Variants in MGAT4A observed in about 807,000 individuals in gnomAD.
MGAT4A encodes alpha-1,3-mannosyl-glycoprotein 4-beta-N-acetylglucosaminyltransferase A, also known as N-acetylglucosaminyltransferase IVa.
Under a neutral mutation model 74.1 loss-of-function variants are expected in MGAT4A, and 33 were observed. That is an observed-to-expected ratio of 0.45 (90% CI 0.34 to 0.60). The LOEUF is 0.60. Ranked by LOEUF, MGAT4A falls within the 20% of genes least tolerant of loss-of-function variation. The pLI, the probability that MGAT4A is intolerant of heterozygous loss-of-function variation, is 0.02. For missense variants in MGAT4A, 479 were observed against 628.3 expected (o/e 0.76, Z 2.54); for synonymous variants, 198 against 210.4 (o/e 0.94, Z 0.51).
chr2:98,632,893 G>A (rs1455924726), intron 14 of MGAT4A, among the ~76,000 whole-genome samples: 1 of 152,204 alleles, frequency 6.6e-6, no homozygotes, highest in Admixed American at 6.5e-5. Flanking sequence ...CTAAGTAGCT[G>A]GAACTACAGG....
intron 2 of MGAT4A, among the ~76,000 whole-genome samples, chr2:98,716,854 T>C (rs1702599789): frequency 6.6e-6 from 1 of 152,228 alleles, no homozygotes; most frequent in African/African-American, 2.4e-5. Context: ...TAATACAATG[T>C]AAATGCTAGA....
rs561044825 is a variant in MGAT4A, at chr2:98,729,392, C to T, written c.-236+1656G>A. Among the ~76,000 whole-genome samples the T allele has an allele frequency of 3.9e-5, 6 of 152,356 alleles. No homozygotes were observed. In the South Asian group the frequency reaches 1.2e-3, roughly 32 times the overall value. On this transcript the variant is annotated intron_variant, in intron 1 of 15. Coordinates refer to ENST00000393487, the MANE Select transcript of MGAT4A (RefSeq NM_012214.3). ...AAGAGTAAAACCAAGGATCTACTCA[C>T]TCTTCAATTATGAGACATAATTCAC...
At chr2:98,657,940 T>G (rs755004037) in intron 6 of MGAT4A, among the ~76,000 whole-genome samples, 2 of 152,210 alleles carry the variant, frequency 1.3e-5, no homozygotes, top group Non-Finnish European at 2.9e-5. Context: ...TCTCTCTGTA[T>G]TCACTGTCTT....
rs1435185722 is a variant in MGAT4A, at chr2:98,624,471, A to G, written c.*1095T>C. The stretch of plus-strand genomic sequence containing the variant: ...GACTCACTTATCAGTTCATACTACA[A>G]TAAAATCATTTTGGAAAATATACTA... On this transcript the variant is annotated 3_prime_UTR_variant, in exon 16 of 16. Coordinates refer to ENST00000393487, the MANE Select transcript of MGAT4A (RefSeq NM_012214.3). 72 of 972,622 alleles carry G rather than the reference A, an allele frequency of 7.4e-5. No homozygotes were observed. The highest frequency in any genetic ancestry group is 1.8e-4 in the Admixed American group (3 of 16,254). The allele number at this position is 972,622 out of a possible 1,614,324, so 60.2% of individuals were successfully genotyped here. A position where few individuals can be genotyped will look rare whatever the true frequency, so the allele number is the denominator to read the frequency against.
chr2:98,670,193 G>C (rs1257109582), intron 4 of MGAT4A, among the ~76,000 whole-genome samples: 1 of 152,164 alleles, frequency 6.6e-6, no homozygotes, highest in Non-Finnish European at 1.5e-5. Flanking sequence ...TTAGGCAGGA[G>C]TAAGATGGAC....
At chr2:98,697,083 G>A (rs1479082014) in intron 2 of MGAT4A, among the ~76,000 whole-genome samples, 2 of 152,100 alleles carry the variant, frequency 1.3e-5, no homozygotes, top group Non-Finnish European at 2.9e-5. Context: ...ATGGAATAAA[G>A]TGGACATTTT....
In MGAT4A at chr2:98,620,254, T is replaced by C. The variant is rs1701040645; in HGVS notation, c.*5312A>G. 6.6e-6 allele frequency: 1 copy of C among 152,230 alleles called. No individual in the cohort carries two copies. The highest frequency in any genetic ancestry group is 1.5e-5 in the Non-Finnish European group (1 of 68,030). The allele number at this position is 152,230 out of a possible 1,614,324, so 9.4% of individuals were successfully genotyped here. A position where few individuals can be genotyped will look rare whatever the true frequency, so the allele number is the denominator to read the frequency against. ...TAAGCATACTAGTTATCGTAGCATA[T>C]AAGATTCATAATTTAAAATGCACAA... On this transcript the variant is annotated 3_prime_UTR_variant, in exon 16 of 16. Coordinates refer to ENST00000393487, the MANE Select transcript of MGAT4A (RefSeq NM_012214.3).
intron 8 of MGAT4A, among the ~76,000 whole-genome samples, chr2:98,653,792 G>A (rs1007959242): frequency 2.0e-5 from 3 of 152,168 alleles, no homozygotes; most frequent in African/African-American, 4.8e-5. Flanking sequence ...CCAAAGAACT[G>A]AAACAGAGGG....
chr2:98,641,508 A>C (rs1217426756), intron 10 of MGAT4A, among the ~76,000 whole-genome samples: 83 of 148,614 alleles, frequency 5.6e-4, no homozygotes, highest in African/African-American at 2.0e-3. Flanking sequence ...ACAAAAAAAA[A>C]AAAAAAAAAA....
At chr2:98,625,681 A>G (rs1701134223) in intron 15 of MGAT4A, 42 bp downstream of exon 15, 1 of 1,569,490 alleles carries the variant, frequency 6.4e-7, no homozygotes, top group African/African-American at 1.4e-5. Flanking sequence ...CATAATAAAA[A>G]TGTAGTTTCT....
At chr2:98,695,727 T>C (rs1163681931) in intron 2 of MGAT4A, among the ~76,000 whole-genome samples, 1 of 152,212 alleles carries the variant, frequency 6.6e-6, no homozygotes, top group African/African-American at 2.4e-5. Flanking sequence ...TCATTCCATA[T>C]AAACAAAAGT....
rs1034163148 is a variant in MGAT4A at position 98,623,321 on chromosome 2, C to T, written c.*2245G>A. On this transcript the variant is annotated 3_prime_UTR_variant, in exon 16 of 16. Coordinates refer to ENST00000393487, the MANE Select transcript of MGAT4A (RefSeq NM_012214.3). ...TCTTTAAAGAAGTTGTAACAAATCA[C>T]ACCAGGTGCTGCAATAACTTTCTCC... 3.0e-5 allele frequency: 30 copies of T among 985,354 alleles called. No homozygotes were observed. The highest frequency in any genetic ancestry group is 3.5e-5 in the Non-Finnish European group (29 of 829,960). The allele number at this position is 985,354 out of a possible 1,614,324, so 61.0% of individuals were successfully genotyped here.
At chr2:98,695,761 G>A (rs994586430) in intron 2 of MGAT4A, among the ~76,000 whole-genome samples, 14 of 152,006 alleles carry the variant, frequency 9.2e-5, no homozygotes, top group Admixed American at 1.3e-4. Flanking sequence ...TTATGTAGAG[G>A]ACATATTTGT....
At chr2:98,636,333 T>C (rs1468610837) in intron 13 of MGAT4A, among the ~76,000 whole-genome samples, 184 bp downstream of exon 13, 5 of 152,152 alleles carry the variant, frequency 3.3e-5, no homozygotes, top group Non-Finnish European at 7.4e-5. Flanking sequence ...GCTCTTTCTA[T>C]GAATGGGTCA....
At chr2:98,648,811 ATTTGAGGCCGGGAG>A (rs1701534630) in intron 8 of MGAT4A, among the ~76,000 whole-genome samples, 1 of 151,816 alleles carries the variant, frequency 6.6e-6, no homozygotes, top group Non-Finnish European at 1.5e-5. Flanking sequence ...CAGCAGGATC[ATTTGAGGCCGGGAG>A]TTCAAGACCA....
chr2:98,672,781 C>T (rs773447714), intron 4 of MGAT4A, among the ~76,000 whole-genome samples: 15 of 152,066 alleles, frequency 9.9e-5, no homozygotes, highest in Admixed American at 4.6e-4. Context: ...ATCAGTCCCT[C>T]GATGTAGGAT....
chr2:98,715,196 T>C (rs1317319542), intron 2 of MGAT4A, among the ~76,000 whole-genome samples: 1 of 151,068 alleles, frequency 6.6e-6, no homozygotes, highest in Non-Finnish European at 1.5e-5. Flanking sequence ...CGCATGCCTG[T>C]AATCCCAGCT....
chr2:98,701,706 A>G (rs1485288638), intron 2 of MGAT4A, among the ~76,000 whole-genome samples: 2 of 152,256 alleles, frequency 1.3e-5, no homozygotes, highest in Non-Finnish European at 2.9e-5. Context: ...TCAGCAAGAA[A>G]GGCTGCTGAC....
At chr2:98,726,877 T>C (rs1237476438) in intron 1 of MGAT4A, 2 of 152,424 alleles carry the variant, frequency 1.3e-5, no homozygotes, top group African/African-American at 2.4e-5. Context: ...AGAACTCTAA[T>C]GATCACACAA....
Sources: allele counts gnomAD v4.1 joint callset (sites outside exome capture counted in the v4.1 genomes callset), GRCh38; gene constraint gnomAD v4.1.1; transcripts MANE v1.5; gene names NCBI Gene and HGNC (gene_info 2026-07-23, HGNC 2026-07-21).